CPQ: variants seen among roughly 807,000 people sequenced by gnomAD.
The protein encoded by CPQ is Ser-Met dipeptidase.
A neutral mutation model predicts 45.7 loss-of-function variants in CPQ; 37 were observed. The ratio of observed to expected loss-of-function variants is 0.81; its 90% CI spans 0.62 to 1.07. CPQ has a LOEUF of 1.07. Ranked by LOEUF, CPQ falls within the 50% of genes least tolerant of loss-of-function variation. The probability of loss-of-function intolerance (pLI) is 0.00; values close to 1 mark genes in which losing one functional copy is unlikely to be tolerated. For synonymous variants in CPQ, 186 were observed against 205.8 expected (o/e 0.90, Z 0.82); for missense variants, 537 against 572.9 (o/e 0.94, Z 0.64).
At position 96,892,382 on chromosome 8, in the gene CPQ, G is replaced by A. The variant is rs558051526; in HGVS notation, c.849+12377G>A. The stretch of plus-strand genomic sequence containing the variant: ...AAAACCTTCTTAGTGGGAACAGCAG[G>A]TTATTCTGCCTGGGTGGGAGCCTTT... On this transcript the variant is annotated intron_variant, in intron 4 of 7. Coordinates refer to ENST00000220763, the MANE Select transcript of CPQ (RefSeq NM_016134.4). Among the ~76,000 whole-genome samples, 4 of 152,262 alleles carry A rather than the reference G, an allele frequency of 2.6e-5. 1 individual carries two copies. The highest frequency in any genetic ancestry group is 2.0e-4 in the Admixed American group (3 of 15,294).
intron 3 of CPQ, among the ~76,000 whole-genome samples, chr8:96,876,923 A>G (rs921636520): frequency 6.6e-6 from 1 of 152,040 alleles, no homozygotes; most frequent in African/African-American, 2.4e-5. Flanking sequence ...TCTGGTTTTG[A>G]TGACAGTAAT....
intron 1 of CPQ, among the ~76,000 whole-genome samples, chr8:96,722,303 T>A (rs1260205138): frequency 2.6e-5 from 4 of 152,302 alleles, no homozygotes; most frequent in East Asian, 3.9e-4. Context: ...TATTCAGAGA[T>A]CATAAAGGAA....
At chr8:96,659,025 A>G (rs1374013279) in intron 1 of CPQ, among the ~76,000 whole-genome samples, 1 of 152,246 alleles carries the variant, frequency 6.6e-6, no homozygotes, top group East Asian at 1.9e-4. Context: ...GCACCGCCAT[A>G]TGGGGTTGTT....
intron 5 of CPQ, among the ~76,000 whole-genome samples, chr8:97,024,505 T>A (rs1263666192): frequency 4.0e-5 from 6 of 151,346 alleles, no homozygotes; most frequent in Admixed American, 2.0e-4. Flanking sequence ...AAAACAAAGA[T>A]CTTCTTCAAG....
chr8:96,678,290 C>T lies in CPQ; in HGVS notation c.-35+32888C>T, dbSNP rs369420790. On this transcript the variant is annotated intron_variant, in intron 1 of 7. Coordinates refer to ENST00000220763, the MANE Select transcript of CPQ (RefSeq NM_016134.4). ...ATGGTCGTTTTCACAATATTGGTTC[C>T]ACCTATCCATGAGCATGGGATGTGT... Among the ~76,000 whole-genome samples the T allele has an allele frequency of 5.3e-5, 8 of 152,058 alleles. No individual in the cohort carries two copies. In the East Asian group the frequency reaches 1.5e-3, roughly 29 times the overall value.
chr8:97,089,168 G>A (rs62508634), intron 7 of CPQ, among the ~76,000 whole-genome samples: 3 of 151,530 alleles, frequency 2.0e-5, no homozygotes, highest in Admixed American at 6.6e-5. Flanking sequence ...ACCTGAACCC[G>A]GGAGGCGGAG....
At chr8:96,978,884 A>C (rs1813833810) in intron 5 of CPQ, among the ~76,000 whole-genome samples, 1 of 152,116 alleles carries the variant, frequency 6.6e-6, no homozygotes, top group African/African-American at 2.4e-5. Flanking sequence ...CACTTGGCTC[A>C]CAAGGAGACG....
At chr8:96,772,991 A>G (rs1321077708) in intron 1 of CPQ, among the ~76,000 whole-genome samples, 2 of 152,212 alleles carry the variant, frequency 1.3e-5, no homozygotes, top group Admixed American at 6.5e-5. Context: ...AAATATAAAG[A>G]GAGATTTCAA....
intron 1 of CPQ, among the ~76,000 whole-genome samples, chr8:96,761,813 G>A (rs963249977): frequency 2.0e-5 from 3 of 152,124 alleles, no homozygotes; most frequent in Non-Finnish European, 4.4e-5. Flanking sequence ...TGTTACCTCC[G>A]CTAATAGCGT....
chr8:97,067,058 C>A (rs1810650472), intron 7 of CPQ, among the ~76,000 whole-genome samples: 1 of 150,790 alleles, frequency 6.6e-6, no homozygotes, highest in Non-Finnish European at 1.5e-5. Context: ...TCCCGAGTAG[C>A]TGGGATTATG....
chr8:96,680,253 A>C (rs1809131558), intron 1 of CPQ, among the ~76,000 whole-genome samples: 1 of 152,108 alleles, frequency 6.6e-6, no homozygotes, highest in South Asian at 2.1e-4. Flanking sequence ...ACTGATATAT[A>C]GTTTTAGTTC....
intron 4 of CPQ, among the ~76,000 whole-genome samples, chr8:96,930,159 A>G (rs1418488214): frequency 1.3e-5 from 2 of 152,232 alleles, no homozygotes; most frequent in Non-Finnish European, 2.9e-5. Flanking sequence ...TCAGTTTCAC[A>G]TGAGCCCAAG....
At chr8:96,844,409 A>G (rs1005131276) in intron 3 of CPQ, among the ~76,000 whole-genome samples, 3 of 152,208 alleles carry the variant, frequency 2.0e-5, no homozygotes, top group Non-Finnish European at 2.9e-5. Flanking sequence ...GTTGGAGTCT[A>G]TCAAAGGTAA....
In CPQ at chr8:97,131,103, G is replaced by A. The variant is rs925655077; in HGVS notation, c.1256-11917G>A. On this transcript the variant is annotated intron_variant, in intron 7 of 7. Coordinates refer to ENST00000220763, the MANE Select transcript of CPQ (RefSeq NM_016134.4). ...CTTTGTTTCATCTTCAAGGATTATG[G>A]TTTGAAGCAAGGGTAATTCGCCTTG... 2.0e-5 allele frequency among the ~76,000 whole-genome samples: 3 copies of A among 152,298 alleles called. No individual in the cohort carries two copies. In the South Asian group the frequency reaches 6.2e-4, roughly 32 times the overall value.
intron 1 of CPQ, among the ~76,000 whole-genome samples, chr8:96,712,120 A>C (rs1374306514): frequency 8.5e-5 from 13 of 152,244 alleles, no homozygotes; most frequent in African/African-American, 2.9e-4. Flanking sequence ...TTACAAAATG[A>C]TCTCCTTTGA....
intron 1 of CPQ, among the ~76,000 whole-genome samples, chr8:96,718,620 G>C (rs958012928): frequency 2.6e-5 from 4 of 152,108 alleles, no homozygotes; most frequent in Non-Finnish European, 4.4e-5. Context: ...GCGTGGAAGG[G>C]GACCCAAGTG....
chr8:96,989,614 A>T (rs1355778302), intron 5 of CPQ, among the ~76,000 whole-genome samples: 7 of 152,294 alleles, frequency 4.6e-5, no homozygotes, highest in Middle Eastern at 3.4e-3. Flanking sequence ...GGTGAGCCTC[A>T]GCATCTAACA....
At chr8:97,133,125 A>G (rs1156310310) in intron 7 of CPQ, 1 of 152,234 alleles carries the variant, frequency 6.6e-6, no homozygotes, top group Admixed American at 6.5e-5. Context: ...TAGGTATTGA[A>G]GAAGAGCCTC....
At chr8:96,985,031 T>C (rs1813988162) in intron 5 of CPQ, among the ~76,000 whole-genome samples, 1 of 152,230 alleles carries the variant, frequency 6.6e-6, no homozygotes, top group African/African-American at 2.4e-5. Context: ...CACGTTTACT[T>C]TGTTCCATCT....
Sources: gnomAD v4.1 joint callset for allele counts (sites outside exome capture counted in the v4.1 genomes callset) on GRCh38, gnomAD v4.1.1 for gene constraint, MANE v1.5 for transcripts, NCBI Gene and HGNC (gene_info 2026-07-23, HGNC 2026-07-21) for gene names.